SIPA1L2: variants seen among roughly 807,000 people sequenced by gnomAD.
SIPA1L2 encodes the protein signal induced proliferation associated 1 like 2, also known as signal-induced proliferation-associated 1-like protein 2.
In SIPA1L2, 56 loss-of-function variants were observed where a neutral mutation model predicts 163.9. The observed-to-expected ratio is 0.34, with a 90% CI of 0.28 to 0.43. The LOEUF (loss-of-function observed/expected upper bound fraction) is 0.43, where lower values mean the gene tolerates loss of function less well. SIPA1L2 is among the 20% of genes least tolerant of loss of function. The pLI, the probability that SIPA1L2 is intolerant of heterozygous loss-of-function variation, is 1.00. For synonymous variants in SIPA1L2, 877 were observed against 865.7 expected (o/e 1.01, Z -0.23); for missense variants, 1,974 against 2,193.5 (o/e 0.90, Z 2.00).
chr1:232,552,866 T>C (rs564401018), intron 2 of SIPA1L2, among the ~76,000 whole-genome samples: 4 of 152,254 alleles, frequency 2.6e-5, no homozygotes, highest in African/African-American at 9.6e-5. Flanking sequence ...GTGGCACCCC[T>C]TATGGAGGGG....
At chr1:232,425,220 G>A (rs560683857) in intron 18 of SIPA1L2, among the ~76,000 whole-genome samples, 66 of 151,728 alleles carry the variant, frequency 4.3e-4, no homozygotes, top group African/African-American at 1.5e-3. Flanking sequence ...CCTCCTTGCT[G>A]TCACCCACTG....
intron 2 of SIPA1L2, among the ~76,000 whole-genome samples, chr1:232,534,626 A>G (rs1657194969): frequency 6.6e-6 from 1 of 152,254 alleles, no homozygotes; most frequent in East Asian, 1.9e-4. Context: ...ATGGGAGAAC[A>G]TATTTGTAAA....
intron 2 of SIPA1L2, among the ~76,000 whole-genome samples, chr1:232,567,532 C>T (rs912296332): frequency 6.6e-6 from 1 of 151,928 alleles, no homozygotes; most frequent in African/African-American, 2.4e-5. Context: ...TTCTAATTAA[C>T]AAGTAAAGCA....
At chr1:232,530,736 A>G (rs1374750571) in intron 2 of SIPA1L2, among the ~76,000 whole-genome samples, 3 of 152,216 alleles carry the variant, frequency 2.0e-5, no homozygotes, top group Non-Finnish European at 4.4e-5. Context: ...CCTGGAATCT[A>G]GAATTTTAGA....
chr1:232,580,679 A>G (rs1303533547), intron 1 of SIPA1L2, among the ~76,000 whole-genome samples: 1 of 152,106 alleles, frequency 6.6e-6, no homozygotes, highest in Non-Finnish European at 1.5e-5. Flanking sequence ...ATTTTTTTTC[A>G]GACCTTTATA....
At chr1:232,410,086 T>C (rs1035719335) in intron 19 of SIPA1L2, among the ~76,000 whole-genome samples, 1 of 152,158 alleles carries the variant, frequency 6.6e-6, no homozygotes, top group East Asian at 1.9e-4. Flanking sequence ...TTGCATTCCT[T>C]GTTTAAATGT....
At chr1:232,567,134 A>G (rs1437664945) in intron 2 of SIPA1L2, among the ~76,000 whole-genome samples, 2 of 152,234 alleles carry the variant, frequency 1.3e-5, no homozygotes, top group African/African-American at 2.4e-5. Flanking sequence ...AATTAGCTAT[A>G]TGACCCTTAG....
At chr1:232,454,726 T>C (rs10910515) in intron 10 of SIPA1L2, among the ~76,000 whole-genome samples, 3 of 152,156 alleles carry the variant, frequency 2.0e-5, no homozygotes, top group African/African-American at 7.2e-5. Flanking sequence ...GATGGTAATA[T>C]CCCAACATTC....
At chr1:232,515,787 T>C (rs1009711642) in intron 2 of SIPA1L2, among the ~76,000 whole-genome samples, 179 bp from the exon 3 acceptor site, 1 of 152,214 alleles carries the variant, frequency 6.6e-6, no homozygotes, top group African/African-American at 2.4e-5. Context: ...CATAGCTAGA[T>C]AAAATTCACA....
At chr1:232,507,791 C>T (rs1016955841) in intron 3 of SIPA1L2, among the ~76,000 whole-genome samples, 15 of 152,088 alleles carry the variant, frequency 9.9e-5, no homozygotes, top group African/African-American at 2.9e-4. Flanking sequence ...GTGCAGATAA[C>T]GATAATTGAT....
chr1:232,616,600 G>C (rs77731444), intron 1 of SIPA1L2, among the ~76,000 whole-genome samples: 1,729 of 152,324 alleles, frequency 0.011, 15 homozygotes, highest in Non-Finnish European at 0.017. Flanking sequence ...GTGTCAGGTG[G>C]AGGAGAGCAG....
chr1:232,460,820 C>T (rs1415342720), intron 10 of SIPA1L2, 67 bp downstream of exon 10: 1 of 1,557,500 alleles, frequency 6.4e-7, no homozygotes, highest in Non-Finnish European at 8.7e-7. Flanking sequence ...TGCAGGAGCA[C>T]TGAGGACAGC....
chr1:232,575,778 G>A (rs922435231), intron 1 of SIPA1L2, among the ~76,000 whole-genome samples: 9 of 152,064 alleles, frequency 5.9e-5, no homozygotes, highest in Non-Finnish European at 7.4e-5. Flanking sequence ...CAACCCAAAC[G>A]CCCATTAGAT....
chr1:232,455,622 AGC>A (rs1663855446), intron 10 of SIPA1L2, among the ~76,000 whole-genome samples: 1 of 71,738 alleles, frequency 1.4e-5, no homozygotes, highest in Admixed American at 2.0e-4. Flanking sequence ...CGGAGCTTGC[AGC>A]GAGGCGGAGC....
intron 1 of SIPA1L2, among the ~76,000 whole-genome samples, chr1:232,590,476 A>G (rs546112787): frequency 2.6e-4 from 39 of 152,394 alleles, no homozygotes; most frequent in African/African-American, 8.7e-4. Context: ...GACTGCTGGA[A>G]GAAAGTGAGC....
intron 2 of SIPA1L2, among the ~76,000 whole-genome samples, chr1:232,553,897 T>A (rs1025408972): frequency 3.3e-5 from 5 of 152,112 alleles, no homozygotes; most frequent in Non-Finnish European, 1.5e-5. Context: ...ATAAAAGCCA[T>A]CAACACAATG....
At chr1:232,524,616 ACAGT>A (rs779116697) in intron 2 of SIPA1L2, among the ~76,000 whole-genome samples, 3 of 152,210 alleles carry the variant, frequency 2.0e-5, no homozygotes, top group Non-Finnish European at 4.4e-5. Flanking sequence ...AACAGTCTTA[ACAGT>A]CAGTGATCAG....
intron 2 of SIPA1L2, among the ~76,000 whole-genome samples, chr1:232,560,788 G>A (rs1658988770): frequency 6.6e-6 from 1 of 152,098 alleles, no homozygotes; most frequent in Non-Finnish European, 1.5e-5. Context: ...AATCATGAGA[G>A]GTATCACTGC....
At chr1:232,613,480 C>A (rs1001409215) in intron 1 of SIPA1L2, among the ~76,000 whole-genome samples, 1 of 152,142 alleles carries the variant, frequency 6.6e-6, no homozygotes, top group African/African-American at 2.4e-5. Flanking sequence ...GTCAAGGGAA[C>A]CTTCTCCAGG....
Sources: gnomAD v4.1 joint callset for allele counts (sites outside exome capture counted in the v4.1 genomes callset) on GRCh38, gnomAD v4.1.1 for gene constraint, MANE v1.5 for transcripts, NCBI Gene and HGNC (gene_info 2026-07-23, HGNC 2026-07-21) for gene names.